MYO16: variants seen among roughly 807,000 people sequenced by gnomAD.
MYO16 encodes the protein myosin XVI.
A neutral mutation model predicts 205.3 loss-of-function variants in MYO16; 94 were observed. That is an observed-to-expected ratio of 0.46 (90% CI 0.39 to 0.54). The LOEUF (loss-of-function observed/expected upper bound fraction) is 0.54. MYO16 is among the 20% of genes least tolerant of loss of function. The pLI, the probability that MYO16 is intolerant of heterozygous loss-of-function variation, is 0.00. For synonymous variants in MYO16, 988 were observed against 954.0 expected (o/e 1.04, Z -0.66); for missense variants, 2,315 against 2,387.5 (o/e 0.97, Z 0.63).
chr13:109,036,168 G>A (rs1475476575), intron 23 of MYO16, among the ~76,000 whole-genome samples: 1 of 152,216 alleles, frequency 6.6e-6, no homozygotes, highest in Non-Finnish European at 1.5e-5. Flanking sequence ...ACAAGGTGAA[G>A]TAAGCCAATT....
intron 4 of MYO16, among the ~76,000 whole-genome samples, chr13:108,727,857 G>T (rs919434056): frequency 2.6e-5 from 4 of 152,090 alleles, no homozygotes; most frequent in Admixed American, 1.3e-4. Flanking sequence ...CAACTAAAAT[G>T]GTTTGATAAT....
intron 15 of MYO16, 69 bp from the exon 16 acceptor site, chr13:108,909,932 AAT>A (rs1333416883): frequency 2.1e-6 from 3 of 1,433,734 alleles, no homozygotes; most frequent in Admixed American, 1.9e-5. Flanking sequence ...GTAATTAATT[AAT>A]ATGTGTTAAT....
chr13:109,038,822 G>A (rs1886794402), intron 23 of MYO16, among the ~76,000 whole-genome samples: 2 of 151,846 alleles, frequency 1.3e-5, no homozygotes, highest in Admixed American at 6.6e-5. Context: ...TCCTTTTAGT[G>A]TGCACAATTT....
intron 9 of MYO16, among the ~76,000 whole-genome samples, chr13:108,824,649 A>C (rs1429267249): frequency 1.3e-5 from 2 of 152,140 alleles, no homozygotes; most frequent in Non-Finnish European, 2.9e-5. Flanking sequence ...AGAGCACTTC[A>C]TCCAGAAATA....
chr13:109,154,400 C>A (rs987915817), intron 32 of MYO16, among the ~76,000 whole-genome samples: 1 of 152,172 alleles, frequency 6.6e-6, no homozygotes, highest in Non-Finnish European at 1.5e-5. Flanking sequence ...GACTCATGCT[C>A]GTTCCGATGG....
chr13:108,540,663 T>C, the MYO16 span, among the ~76,000 whole-genome samples: 1 of 152,150 alleles, frequency 6.6e-6, no homozygotes, highest in Admixed American at 6.5e-5. Flanking sequence ...TGCTGGAGTA[T>C]AAGTTCCTTA....
At chr13:109,121,443 C>T (rs1475462573) in intron 29 of MYO16, among the ~76,000 whole-genome samples, 1 of 152,222 alleles carries the variant, frequency 6.6e-6, no homozygotes, top group Non-Finnish European at 1.5e-5. Context: ...TCCACATATT[C>T]AGGAGCACTT....
intron 1 of MYO16, among the ~76,000 whole-genome samples, chr13:108,611,043 T>C (rs550561890): frequency 1.3e-5 from 2 of 152,318 alleles, no homozygotes; most frequent in East Asian, 3.9e-4. Context: ...CTTTAAAAAT[T>C]AAAGATATCC....
chr13:109,015,692 G>A (rs1885786491), intron 22 of MYO16, among the ~76,000 whole-genome samples: 1 of 152,110 alleles, frequency 6.6e-6, no homozygotes, highest in African/African-American at 2.4e-5. Context: ...AGTCTTGGGA[G>A]GGTGTATGTG....
chr13:109,134,178 T>A (rs763385991), intron 31 of MYO16, among the ~76,000 whole-genome samples: 12 of 152,228 alleles, frequency 7.9e-5, no homozygotes, highest in Non-Finnish European at 1.6e-4. Flanking sequence ...ATCATGACCC[T>A]ATGTAGAGAA....
intron 15 of MYO16, among the ~76,000 whole-genome samples, chr13:108,903,713 T>TCTG (rs964431970): frequency 6.6e-6 from 1 of 152,218 alleles, no homozygotes; most frequent in African/African-American, 2.4e-5. Context: ...AATAATTCCA[T>TCTG]CTGCTGCCAA....
intron 16 of MYO16, among the ~76,000 whole-genome samples, chr13:108,947,593 A>C (rs1882986172): frequency 6.6e-6 from 1 of 152,182 alleles, no homozygotes; most frequent in Non-Finnish European, 1.5e-5. Flanking sequence ...TATGCTGGAC[A>C]CAAGGCTCGG....
the MYO16 span, among the ~76,000 whole-genome samples, chr13:108,549,676 GGTGGGTTAATGGGA>G: frequency 1.3e-5 from 2 of 151,994 alleles, no homozygotes; most frequent in African/African-American, 4.8e-5. Context: ...AGTTATATTT[GGTGGGTTAATGGGA>G]GTGGGGAGAG....
In MYO16 at chr13:108,680,652, C is replaced by T. The variant is rs149344297; in HGVS notation, c.292+14503C>T. On this transcript the variant is annotated intron_variant, in intron 2 of 34. Coordinates refer to ENST00000457511, the MANE Select transcript of MYO16 (RefSeq NM_001198950.3). ...AGCTTATGTTTCTAGTTATTATACA[C>T]ATGGAGAAATTGGTCTTACTACTAT... Among the ~76,000 whole-genome samples, 310 of 152,282 alleles carry T rather than the reference C, an allele frequency of 2.0e-3. 3 individuals carry two copies. The highest frequency in any genetic ancestry group is 7.2e-3 in the African/African-American group (300 of 41,552).
At chr13:108,504,805 G>A in the MYO16 span, among the ~76,000 whole-genome samples, 2 of 152,192 alleles carry the variant, frequency 1.3e-5, no homozygotes, top group Admixed American at 1.3e-4. Flanking sequence ...AAAGTGCTGG[G>A]ATTACAGGCA....
At chr13:108,960,423 A>G (rs1883539076) in intron 17 of MYO16, among the ~76,000 whole-genome samples, 1 of 152,200 alleles carries the variant, frequency 6.6e-6, no homozygotes, top group Admixed American at 6.5e-5. Flanking sequence ...TTTTATATGT[A>G]TATCACTTTC....
chr13:108,733,239 T>A (rs1455116772), intron 4 of MYO16, among the ~76,000 whole-genome samples: 1 of 152,206 alleles, frequency 6.6e-6, no homozygotes, highest in African/African-American at 2.4e-5. Flanking sequence ...GCTCAGCTAC[T>A]GTGAATGAAA....
chr13:109,117,795 C>T (rs935279773), intron 28 of MYO16, among the ~76,000 whole-genome samples: 1 of 152,056 alleles, frequency 6.6e-6, no homozygotes. Context: ...TGCCAATGAC[C>T]AGCTCAATAA....
At chr13:108,646,095 G>T (rs1412000493) in intron 1 of MYO16, among the ~76,000 whole-genome samples, 1 of 152,170 alleles carries the variant, frequency 6.6e-6, no homozygotes, top group East Asian at 1.9e-4. Context: ...TGGTTCCTTA[G>T]TTTGTGATCA....
Sources: gnomAD v4.1 joint callset for allele counts (sites outside exome capture counted in the v4.1 genomes callset) on GRCh38, gnomAD v4.1.1 for gene constraint, MANE v1.5 for transcripts, NCBI Gene and HGNC (gene_info 2026-07-23, HGNC 2026-07-21) for gene names.